The following RABL3 variants were observed in gnomAD, a reference collection of about 807,000 sequenced individuals.
RABL3 encodes rab-like protein 3.
RABL3 carries 31 observed loss-of-function variants against 31.8 expected under a neutral mutation model. The ratio of observed to expected loss-of-function variants is 0.97; its 90% CI spans 0.73 to 1.31. RABL3 has a LOEUF of 1.31. RABL3 is among the 40% of genes most tolerant of loss of function. RABL3 has a pLI of 0.00. For synonymous variants in RABL3, 97 were observed against 99.9 expected (o/e 0.97, Z 0.18); for missense variants, 263 against 279.6 (o/e 0.94, Z 0.42).
At chr3:120,725,990 C>A (rs1005972108) in intron 2 of RABL3, among the ~76,000 whole-genome samples, 1 of 152,048 alleles carries the variant, frequency 6.6e-6, no homozygotes, top group South Asian at 2.1e-4. Flanking sequence ...AATTTTTTAA[C>A]ATTTTTTTAT....
chr3:120,691,098 T>C (rs1708374988), intron 6 of RABL3, among the ~76,000 whole-genome samples: 1 of 152,124 alleles, frequency 6.6e-6, no homozygotes, highest in Non-Finnish European at 1.5e-5. Context: ...AAAAACATGT[T>C]CAAGCAGCAG....
At chr3:120,696,556 A>G (rs193245107) in intron 5 of RABL3, among the ~76,000 whole-genome samples, 6 of 151,726 alleles carry the variant, frequency 4.0e-5, no homozygotes, top group Admixed American at 3.3e-4. Context: ...ACTCACAGTT[A>G]AAAGATGGCC....
intron 4 of RABL3, among the ~76,000 whole-genome samples, chr3:120,702,390 C>T (rs192018539): frequency 2.6e-5 from 4 of 152,114 alleles, no homozygotes; most frequent in Admixed American, 2.6e-4. Flanking sequence ...CAATAGGATT[C>T]ACGCTCCTAT....
intron 5 of RABL3, among the ~76,000 whole-genome samples, chr3:120,697,669 A>G (rs914118060): frequency 6.6e-6 from 1 of 152,188 alleles, no homozygotes; most frequent in African/African-American, 2.4e-5. Flanking sequence ...CTATATATGC[A>G]TAAGTGTACA....
Position 120,701,768 on chromosome 3 carries a change from G to C in RABL3, c.384-3195C>G, listed in dbSNP as rs898454882. Among the ~76,000 whole-genome samples the C allele has an allele frequency of 2.0e-5, 3 of 152,218 alleles. No individual in the cohort carries two copies. In the East Asian group the frequency reaches 5.8e-4, roughly 29 times the overall value. ...ATTAGACTTCCACACAGAAAACAAA[G>C]CCTTTGAAAGACTTGCTTCAATCAA... On this transcript the variant is annotated intron_variant, in intron 4 of 7. Coordinates refer to ENST00000273375, the MANE Select transcript of RABL3 (RefSeq NM_173825.5).
chr3:120,717,237 C>A (rs1397639099), intron 2 of RABL3, among the ~76,000 whole-genome samples: 45 of 128,782 alleles, frequency 3.5e-4, no homozygotes, highest in African/African-American at 1.3e-3. Flanking sequence ...CCGGCCTGGG[C>A]AACAAGAACA....
chr3:120,694,233 T>TAA lies in RABL3; in HGVS notation c.535-11_535-10dup. On this transcript the variant is annotated splice_polypyrimidine_tract_variant and intron_variant, in intron 5 of 7. Transcript: ENST00000273375. The stretch of plus-strand genomic sequence containing the variant: ...CGTGGATTTGTGCAGTCCTAGAAGA[T>TAA]AAAACATAAGATCCACAATTGAAAG... The TAA allele has an allele frequency of 1.9e-6, 3 of 1,595,600 alleles. No homozygotes were observed. The East Asian group carries it at 6.7e-5, about 36-fold the overall frequency.
At chr3:120,725,373 G>C (rs542917479) in intron 2 of RABL3, among the ~76,000 whole-genome samples, 1 of 152,202 alleles carries the variant, frequency 6.6e-6, no homozygotes, top group Non-Finnish European at 1.5e-5. Context: ...TTCAACCATT[G>C]TGGAAGTCAG....
intron 3 of RABL3, among the ~76,000 whole-genome samples, chr3:120,708,553 A>G (rs1708576582): frequency 6.6e-6 from 1 of 152,052 alleles, no homozygotes; most frequent in Non-Finnish European, 1.5e-5. Context: ...TAATTTGACA[A>G]GTAATTTTAC....
At chr3:120,723,419 A>G (rs1319558459) in intron 2 of RABL3, among the ~76,000 whole-genome samples, 3 of 152,248 alleles carry the variant, frequency 2.0e-5, no homozygotes, top group Non-Finnish European at 4.4e-5. Flanking sequence ...ATCAATAGAA[A>G]AAGGGGGAAT....
intron 2 of RABL3, among the ~76,000 whole-genome samples, chr3:120,723,176 G>A (rs1179889746): frequency 1.3e-5 from 2 of 152,156 alleles, no homozygotes; most frequent in Non-Finnish European, 2.9e-5. Context: ...ACACCTGTAC[G>A]CAAATAAACT....
intron 4 of RABL3, among the ~76,000 whole-genome samples, chr3:120,702,979 A>C (rs937481907): frequency 1.3e-5 from 2 of 152,282 alleles, no homozygotes; most frequent in Admixed American, 6.5e-5. Flanking sequence ...GTGCAAGTGC[A>C]TGAGAAAATT....
intron 2 of RABL3, among the ~76,000 whole-genome samples, chr3:120,711,251 C>T (rs773943401): frequency 6.6e-6 from 1 of 152,106 alleles, no homozygotes; most frequent in Non-Finnish European, 1.5e-5. Context: ...ATCTAAAAGG[C>T]AATTTTATTC....
At chr3:120,703,887 A>G (rs1042995462) in intron 4 of RABL3, among the ~76,000 whole-genome samples, 1 of 152,198 alleles carries the variant, frequency 6.6e-6, no homozygotes, top group African/African-American at 2.4e-5. Context: ...AACAATCCTA[A>G]TTACTAAAGA....
In RABL3 at chr3:120,736,590, T is replaced by G. The variant is rs377239606; in HGVS notation, c.47-5803A>C. On this transcript the variant is annotated intron_variant, in intron 1 of 7. Transcript: ENST00000273375. ...TCCTGTCATCATGATGTTAGCTGGTTATTTTGCTCATTAGTTGATGCAGTT... is the reference window on the plus strand; with the variant it reads ...TCCTGTCATCATGATGTTAGCTGGTGATTTTGCTCATTAGTTGATGCAGTT... 7.0e-4 allele frequency among the ~76,000 whole-genome samples: 107 copies of G among 152,342 alleles called. No individual in the cohort carries two copies. In the South Asian group the frequency reaches 0.021, roughly 30 times the overall value.
chr3:120,689,984 CCTG>C (rs1208175100), intron 7 of RABL3, 96 bp from the exon 8 acceptor site: 1 of 932,338 alleles, frequency 1.1e-6, no homozygotes, highest in African/African-American at 1.7e-5. Flanking sequence ...TGTATGTCAG[CCTG>C]CTGTTTCTTA....
intron 2 of RABL3, among the ~76,000 whole-genome samples, chr3:120,720,181 CT>C (rs890224108): frequency 6.6e-6 from 1 of 152,220 alleles, no homozygotes; most frequent in African/African-American, 2.4e-5. Flanking sequence ...AAAACCTCAT[CT>C]GTACATCACC....
chr3:120,715,081 C>T (rs1160364469), intron 2 of RABL3, among the ~76,000 whole-genome samples: 9 of 152,150 alleles, frequency 5.9e-5, no homozygotes, highest in Non-Finnish European at 1.0e-4. Context: ...TCTTTTTCAC[C>T]TATAATATGG....
At chr3:120,717,818 G>C (rs1708688658) in intron 2 of RABL3, among the ~76,000 whole-genome samples, 1 of 152,154 alleles carries the variant, frequency 6.6e-6, no homozygotes, top group African/African-American at 2.4e-5. Flanking sequence ...TCTAAAACTT[G>C]GTCAGTGTCT....
Sources: allele counts gnomAD v4.1 joint callset (sites outside exome capture counted in the v4.1 genomes callset), GRCh38; gene constraint gnomAD v4.1.1; transcripts MANE v1.5; gene names NCBI Gene and HGNC (gene_info 2026-07-23, HGNC 2026-07-21).